Variants in VAV2 observed in about 807,000 individuals in gnomAD.
The protein encoded by VAV2 is vav guanine nucleotide exchange factor 2.
VAV2 carries 67 observed loss-of-function variants against 132.5 expected under a neutral mutation model. The ratio of observed to expected loss-of-function variants is 0.51; its 90% CI spans 0.42 to 0.62. The LOEUF is 0.62. Among genes scored for constraint, VAV2 ranks in the 20% least tolerant of loss-of-function variants. VAV2 has a pLI of 0.00. For synonymous variants in VAV2, 492 were observed against 443.5 expected, an observed-to-expected ratio of 1.11 and a Z score of -1.37; for missense variants, 938 against 1,153.6, an observed-to-expected ratio of 0.81 and a Z score of 2.71.
At chr9:133,951,329 G>A (rs1841553529) in intron 1 of VAV2, among the ~76,000 whole-genome samples, 1 of 152,208 alleles carries the variant, frequency 6.6e-6, no homozygotes, top group African/African-American at 2.4e-5. Context: ...CTGGCACCCA[G>A]CAGGGTCAGA....
In VAV2 at chr9:133,812,159, G is replaced by A. The variant is rs376850217; in HGVS notation, c.507C>T (p.Asp169=). The A allele has an allele frequency of 1.7e-4, 272 of 1,613,970 alleles. 2 individuals are homozygous for A. In the South Asian group the frequency reaches 1.8e-3, roughly 10 times the overall value. Reference sequence around the variant, plus strand: ...CCTTGATGATGTCCTCGTAGATGTCGTCCCCTCCATCCTCACACGGGACGC... The same window carrying A: ...CCTTGATGATGTCCTCGTAGATGTCATCCCCTCCATCCTCACACGGGACGC... ...YDCVPCEDGG[D]DIYEDIIKVE... Residue 169 remains aspartate, a synonymous_variant, in exon 5 of 30, where the codon GAC becomes GAT. Coordinates refer to ENST00000371850, the MANE Select transcript of VAV2 (RefSeq NM_001134398.2).
At chr9:133,886,198 C>G (rs1383818213) in intron 2 of VAV2, among the ~76,000 whole-genome samples, 1 of 152,270 alleles carries the variant, frequency 6.6e-6, no homozygotes, top group East Asian at 1.9e-4. Context: ...AAGCTTCCTG[C>G]AGGTGGGAAA....
In VAV2 at chr9:133,769,182, G is replaced by A. The variant is rs373752042; in HGVS notation, c.2434+235C>T. 5.7e-4 allele frequency among the ~76,000 whole-genome samples: 87 copies of A among 152,346 alleles called. No homozygotes were observed. The highest frequency in any genetic ancestry group is 2.0e-3 in the African/African-American group (85 of 41,580). ...GGAAAGTGGCCATCAGGGTGGGCGT[G>A]TCCACAGGGGGTGGGTGGTGACAAT... On this transcript the variant is annotated intron_variant, in intron 28 of 29. Transcript: ENST00000371850. This position sits in a 1 kb window ranked among gnomAD's most constrained non-coding sequence, Gnocchi z 8.1.
rs1433503577 is a variant in VAV2, at chr9:133,804,834, G to A, written c.836+1247C>T. 6.6e-6 allele frequency among the ~76,000 whole-genome samples: 1 copy of A among 152,166 alleles called. No homozygotes were observed. The highest frequency in any genetic ancestry group is 2.4e-5 in the African/African-American group (1 of 41,422). Reference sequence around the variant, plus strand: ...CCCTGCCCACTCTTAACCCTCTGGGGCTGGCCAGTGTGCTCACACCTGCTG... The same window carrying A: ...CCCTGCCCACTCTTAACCCTCTGGGACTGGCCAGTGTGCTCACACCTGCTG... On this transcript the variant is annotated intron_variant, in intron 9 of 29. Transcript: ENST00000371850. The surrounding 1 kb of genome is among the most constrained non-coding windows in gnomAD (Gnocchi z 4.5).
At chr9:133,920,261 C>T (rs1357382944) in intron 2 of VAV2, among the ~76,000 whole-genome samples, 1 of 152,242 alleles carries the variant, frequency 6.6e-6, no homozygotes, top group Non-Finnish European at 1.5e-5. Context: ...TGCCTCCAGT[C>T]CACAAAGGGC....
chr9:133,856,631 A>T (rs1837395101), intron 3 of VAV2, among the ~76,000 whole-genome samples: 1 of 152,174 alleles, frequency 6.6e-6, no homozygotes, highest in African/African-American at 2.4e-5. Context: ...CAAGCAACAC[A>T]GACTCTTACA....
In VAV2 at chr9:133,806,154, G is replaced by T; in HGVS notation, c.763C>A (p.Leu255Met). The stretch of plus-strand genomic sequence containing the variant: ...ATCACGGACACGTCGATGGCCCTCA[G>T]GAAGCTGTGATGCACCTTGATCAGG... ...EDLIKVHHSF[L>M]RAIDVSVMVG... Residue 255 changes from leucine (L) to methionine (M), a missense_variant, in exon 9 of 30, where the codon CTG becomes ATG. Transcript: ENST00000371850. 1.2e-6 allele frequency: 2 copies of T among 1,612,872 alleles called. No individual in the cohort carries two copies. Among genetic ancestry groups the T allele is most frequent in the Non-Finnish European group, 1.7e-6 (2 of 1,179,924 alleles).
In VAV2 at chr9:133,919,640, C is replaced by A. The variant is rs1216032961; in HGVS notation, c.321+19463G>T. ...TCTTGGGAGAGAAAAGATGCTCAGC[C>A]ACTTTTGCCACCAGCTCAAATATTT... is the stretch of plus-strand genomic sequence containing the variant. On this transcript the variant is annotated intron_variant, in intron 2 of 29. Transcript: ENST00000371850. This position sits in a 1 kb window ranked among gnomAD's most constrained non-coding sequence, Gnocchi z 5.8. Among the ~76,000 whole-genome samples the A allele has an allele frequency of 6.6e-6, 1 of 152,208 alleles. No individual in the cohort carries two copies. Among genetic ancestry groups the A allele is most frequent in the African/African-American group, 2.4e-5 (1 of 41,440 alleles).
intron 2 of VAV2, among the ~76,000 whole-genome samples, chr9:133,931,774 G>A (rs931052929): frequency 2.0e-5 from 3 of 152,210 alleles, no homozygotes; most frequent in Non-Finnish European, 2.9e-5. Flanking sequence ...CTCAGGGAAA[G>A]CCACCTGCCC....
chr9:133,763,913 G>C lies in VAV2; in HGVS notation c.*149C>G. On this transcript the variant is annotated 3_prime_UTR_variant, in exon 30 of 30. Transcript: ENST00000371850. The surrounding 1 kb of genome is among the most constrained non-coding windows in gnomAD (Gnocchi z 6.8). The stretch of plus-strand genomic sequence containing the variant: ...CTGACAGTGAAACGGTTCGAGTTTA[G>C]GATTCTCAACACCCTCCCTATCCCT... The C allele has an allele frequency of 1.1e-6, 1 of 940,914 alleles. No individual in the cohort carries two copies. Among genetic ancestry groups the C allele is most frequent in the Non-Finnish European group, 1.6e-6 (1 of 609,492 alleles). The allele number at this position is 940,914 out of a possible 1,614,324, so 58.3% of individuals were successfully genotyped here. A position where few individuals can be genotyped will look rare whatever the true frequency, so the allele number is the denominator to read the frequency against.
intron 1 of VAV2, among the ~76,000 whole-genome samples, chr9:133,952,503 T>C (rs1841593847): frequency 1.3e-5 from 2 of 151,772 alleles, no homozygotes; most frequent in South Asian, 4.2e-4. Context: ...CTCGGGAGGC[T>C]GAGGCAGGAG....
chr9:133,831,667 G>A (rs1347822377), intron 4 of VAV2, among the ~76,000 whole-genome samples: 1 of 152,192 alleles, frequency 6.6e-6, no homozygotes, highest in East Asian at 1.9e-4. Context: ...GGGCCCCATC[G>A]TCCCGGAGCC....
chr9:133,834,159 G>A lies in VAV2; in HGVS notation c.449+113C>T. The A allele has an allele frequency of 8.0e-7, 1 of 1,256,048 alleles. No individual in the cohort carries two copies. Among genetic ancestry groups the A allele is most frequent in the South Asian group, 1.4e-5 (1 of 70,588 alleles). The allele number at this position is 1,256,048 out of a possible 1,614,324, so 77.8% of individuals were successfully genotyped here. A position where few individuals can be genotyped will look rare whatever the true frequency, so the allele number is the denominator to read the frequency against. ...AGATGCCCCGGTGGGAAGGGCCAGG[G>A]CCAGCTCTGCCTGCACTGTGGCCGC... On this transcript the variant is annotated intron_variant, in intron 4 of 29. Coordinates refer to ENST00000371850, the MANE Select transcript of VAV2 (RefSeq NM_001134398.2). The surrounding 1 kb of genome is among the most constrained non-coding windows in gnomAD (Gnocchi z 5.9).
chr9:133,874,138 C>T (rs1335801259), intron 2 of VAV2, among the ~76,000 whole-genome samples: 3 of 152,242 alleles, frequency 2.0e-5, no homozygotes, highest in Non-Finnish European at 4.4e-5. Flanking sequence ...GGCCGGCTAT[C>T]CATCCTGGAT....
intron 2 of VAV2, 92 bp downstream of exon 2, chr9:133,939,011 A>G: frequency 8.5e-7 from 1 of 1,173,406 alleles, no homozygotes; most frequent in South Asian, 1.2e-5. Flanking sequence ...GGAGCCAATC[A>G]GGCTGCTCCA....
intron 16 of VAV2, among the ~76,000 whole-genome samples, chr9:133,786,681 A>G (rs1426550263): frequency 2.0e-5 from 3 of 152,222 alleles, no homozygotes; most frequent in Non-Finnish European, 2.9e-5. Context: ...TCCCCGACTG[A>G]GCAACCCACA....
chr9:133,875,393 G>A (rs1013714743), intron 2 of VAV2, among the ~76,000 whole-genome samples: 15 of 152,230 alleles, frequency 9.9e-5, no homozygotes, highest in Non-Finnish European at 1.8e-4. Context: ...CCCTTCTGCC[G>A]GCTAAGGAGC....
chr9:133,869,638 GGAGCCCT>G (rs1224110543), intron 2 of VAV2, among the ~76,000 whole-genome samples: 1 of 152,090 alleles, frequency 6.6e-6, no homozygotes, highest in Non-Finnish European at 1.5e-5. Context: ...AAAAGAAATT[GGAGCCCT>G]GAGCCACACT....
At chr9:133,858,564 C>T (rs376374422) in intron 3 of VAV2, among the ~76,000 whole-genome samples, 55 of 152,270 alleles carry the variant, frequency 3.6e-4, no homozygotes, top group African/African-American at 1.3e-3. Flanking sequence ...ATCTGAGAAC[C>T]TGAGGATGGT....
Sources: allele counts gnomAD v4.1 joint callset (sites outside exome capture counted in the v4.1 genomes callset), GRCh38; gene constraint gnomAD v4.1.1; non-coding constraint Gnocchi (gnomAD v3.1); transcripts MANE v1.5; gene names NCBI Gene and HGNC (gene_info 2026-07-23, HGNC 2026-07-21).